Variants in FRAS1 observed in about 807,000 individuals in gnomAD.
FRAS1 encodes the protein Fraser extracellular matrix complex subunit 1, also known as extracellular matrix organizing protein FRAS1.
A neutral mutation model predicts 435.2 loss-of-function variants in FRAS1; 290 were observed. The ratio of observed to expected loss-of-function variants is 0.67; its 90% confidence interval spans 0.61 to 0.73. The LOEUF (loss-of-function observed/expected upper bound fraction) is 0.73. FRAS1 is among the 30% of genes least tolerant of loss of function. FRAS1 has a pLI of 0.00. For missense variants in FRAS1, 4,860 were observed against 5,001.5 expected (o/e 0.97, Z 0.85); for synonymous variants, 1,800 against 1,851.0 (o/e 0.97, Z 0.71).
At chr4:78,417,917 T>G (rs1733615321) in intron 32 of FRAS1, among the ~76,000 whole-genome samples, 1 of 152,198 alleles carries the variant, frequency 6.6e-6, no homozygotes, top group Non-Finnish European at 1.5e-5. Flanking sequence ...TTTGTTCTGT[T>G]TTACAACAGC....
At chr4:78,254,119 TCTC>T (rs1725679843) in intron 5 of FRAS1, among the ~76,000 whole-genome samples, 1 of 152,124 alleles carries the variant, frequency 6.6e-6, no homozygotes, top group Non-Finnish European at 1.5e-5. Context: ...TTTTAGGCCC[TCTC>T]CTCAGAATCC....
At chr4:78,307,131 G>A (rs1560642756) in intron 14 of FRAS1, among the ~76,000 whole-genome samples, 2 of 152,202 alleles carry the variant, frequency 1.3e-5, no homozygotes, top group African/African-American at 4.8e-5. Flanking sequence ...GCACTGTGAG[G>A]TGTCAGTCTG....
At chr4:78,212,415 G>C (rs538911280) in intron 2 of FRAS1, among the ~76,000 whole-genome samples, 1 of 152,208 alleles carries the variant, frequency 6.6e-6, no homozygotes, top group East Asian at 1.9e-4. Flanking sequence ...CTTAAGAAAG[G>C]GAGAGGCTGG....
chr4:78,451,648 G>A, intron 45 of FRAS1, 124 bp from the exon 46 acceptor site: 2 of 662,440 alleles, frequency 3.0e-6, no homozygotes, highest in East Asian at 6.0e-5. Flanking sequence ...CAAAAGCAGT[G>A]TCAAAGCGAG....
chr4:78,258,876 T>G (rs1156749742), intron 6 of FRAS1, among the ~76,000 whole-genome samples: 2 of 92,578 alleles, frequency 2.2e-5, no homozygotes, highest in Non-Finnish European at 4.1e-5. Context: ...CCCACAACAG[T>G]CCCCAGAGTG....
intron 3 of FRAS1, 77 bp downstream of exon 3, chr4:78,237,694 C>G (rs964222902): frequency 1.6e-6 from 1 of 628,028 alleles, no homozygotes; most frequent in Non-Finnish European, 2.6e-6. Flanking sequence ...TTTCAGACAT[C>G]TGTTTTTGAC....
intron 2 of FRAS1, among the ~76,000 whole-genome samples, chr4:78,229,075 G>A (rs1490447344): frequency 6.6e-6 from 1 of 152,168 alleles, no homozygotes; most frequent in East Asian, 1.9e-4. Flanking sequence ...TGTGGGTATG[G>A]AGGTGGGTTT....
chr4:78,210,329 G>A (rs913197073), intron 2 of FRAS1, among the ~76,000 whole-genome samples: 3 of 152,208 alleles, frequency 2.0e-5, no homozygotes, highest in African/African-American at 7.2e-5. Context: ...CTTGGTGATA[G>A]CATGAATCAC....
intron 47 of FRAS1, among the ~76,000 whole-genome samples, chr4:78,463,392 G>C (rs1719430965): frequency 6.6e-6 from 1 of 152,034 alleles, no homozygotes; most frequent in South Asian, 2.1e-4. Context: ...TTTTTGATTT[G>C]GTGTGGAATA....
At chr4:78,102,832 G>A (rs1742198675) in intron 2 of FRAS1, among the ~76,000 whole-genome samples, 1 of 152,180 alleles carries the variant, frequency 6.6e-6, no homozygotes. Context: ...ATGAGAGGTT[G>A]AACATTGAGC....
At chr4:78,294,120 C>T (rs1434321702) in intron 14 of FRAS1, among the ~76,000 whole-genome samples, 1 of 152,176 alleles carries the variant, frequency 6.6e-6, no homozygotes, top group Non-Finnish European at 1.5e-5. Flanking sequence ...TCTCCATTCC[C>T]CACCCAAGCA....
intron 10 of FRAS1, 120 bp downstream of exon 10, chr4:78,278,864 C>T: frequency 1.5e-6 from 1 of 662,860 alleles, no homozygotes; most frequent in Non-Finnish European, 2.7e-6. Flanking sequence ...TTATTGTGCA[C>T]CTACTGTACA....
chr4:78,475,309 G>C (rs1165220001), intron 53 of FRAS1, 129 bp from the exon 54 acceptor site: 4 of 910,070 alleles, frequency 4.4e-6, no homozygotes, highest in Non-Finnish European at 6.8e-6. Context: ...TGGATTCTTA[G>C]AGGAACCAAA....
intron 14 of FRAS1, among the ~76,000 whole-genome samples, chr4:78,306,248 G>A (rs1164739569): frequency 1.3e-5 from 2 of 151,510 alleles, no homozygotes; most frequent in African/African-American, 2.4e-5. Flanking sequence ...AGTCTGATGG[G>A]CTTCCCTTTG....
intron 45 of FRAS1, among the ~76,000 whole-genome samples, chr4:78,450,651 G>T (rs944943252): frequency 1.3e-5 from 2 of 152,144 alleles, no homozygotes; most frequent in African/African-American, 2.4e-5. Flanking sequence ...AAGGAAAAAA[G>T]AAGTGAGTTG....
In FRAS1 at chr4:78,334,570, C is replaced by T. The variant is rs1468698722; in HGVS notation, c.2278+1158C>T. 3.3e-5 allele frequency among the ~76,000 whole-genome samples: 5 copies of T among 151,398 alleles called. No homozygotes were observed. In the East Asian group the frequency reaches 9.7e-4, roughly 30 times the overall value. ...ATTTTTAGTAGAGACAGGGTTTCACCATGTTGATCAGGCTGGTCGTGATCT... is the reference window on the plus strand; with the variant it reads ...ATTTTTAGTAGAGACAGGGTTTCACTATGTTGATCAGGCTGGTCGTGATCT... On this transcript the variant is annotated intron_variant, in intron 19 of 73. Coordinates refer to ENST00000512123, the MANE Select transcript of FRAS1 (RefSeq NM_025074.7).
chr4:78,264,307 A>G (rs1186850732), intron 6 of FRAS1, among the ~76,000 whole-genome samples: 1 of 152,176 alleles, frequency 6.6e-6, no homozygotes, highest in Non-Finnish European at 1.5e-5. Flanking sequence ...GAATGTAGGG[A>G]CATAGAGTAG....
At chr4:78,293,380 A>T (rs1426094908) in intron 14 of FRAS1, among the ~76,000 whole-genome samples, 1 of 152,194 alleles carries the variant, frequency 6.6e-6, no homozygotes, top group African/African-American at 2.4e-5. Flanking sequence ...AATCAACAGA[A>T]ATGTACAGGC....
intron 20 of FRAS1, among the ~76,000 whole-genome samples, chr4:78,346,793 C>T (rs1241911970): frequency 2.0e-5 from 3 of 152,136 alleles, no homozygotes; most frequent in African/African-American, 4.8e-5. Flanking sequence ...CCTCATTCTG[C>T]CCTGGGGAGC....
Sources: allele counts gnomAD v4.1 joint callset (sites outside exome capture counted in the v4.1 genomes callset), GRCh38; gene constraint gnomAD v4.1.1; transcripts MANE v1.5; gene names NCBI Gene and HGNC (gene_info 2026-07-23, HGNC 2026-07-21).